UBE3D: variants seen among roughly 807,000 people sequenced by gnomAD.
UBE3D encodes the protein ubiquitin protein ligase E3D, also known as E3 ubiquitin-protein ligase E3D.
In UBE3D, 48 loss-of-function variants were observed where a neutral mutation model predicts 49.6. That is an observed-to-expected ratio of 0.97 (90% confidence interval 0.77 to 1.23). UBE3D has a LOEUF of 1.23. Ranked by LOEUF, UBE3D falls within the 50% of genes most tolerant of loss-of-function variation. The pLI is 0.00. For synonymous variants in UBE3D, 189 were observed against 174.2 expected (o/e 1.08, Z -0.67); for missense variants, 452 against 468.4 (o/e 0.96, Z 0.32).
At chr6:82,955,039 G>A (rs1016067423) in intron 9 of UBE3D, among the ~76,000 whole-genome samples, 5 of 152,110 alleles carry the variant, frequency 3.3e-5, no homozygotes, top group Admixed American at 3.3e-4. Flanking sequence ...AATAGAAAAG[G>A]GCATTGAGTA....
chr6:82,993,371 T>A (rs1018442495), intron 8 of UBE3D, among the ~76,000 whole-genome samples: 2 of 152,168 alleles, frequency 1.3e-5, no homozygotes, highest in African/African-American at 4.8e-5. Context: ...TTTCCCTCTG[T>A]GAATATACAG....
chr6:83,025,606 G>T (rs888004523), intron 5 of UBE3D, among the ~76,000 whole-genome samples: 1 of 152,086 alleles, frequency 6.6e-6, no homozygotes, highest in Non-Finnish European at 1.5e-5. Context: ...TGTAGGGCTG[G>T]GTGCAGTGAC....
At chr6:83,038,541 T>C (rs1782432766) in intron 4 of UBE3D, 56 bp from the exon 5 acceptor site, 8 of 1,469,934 alleles carry the variant, frequency 5.4e-6, no homozygotes, top group Non-Finnish European at 7.5e-6. Context: ...AAAAGGAATA[T>C]ATAATTTTAA....
At chr6:82,943,901 C>T (rs12153979) in intron 9 of UBE3D, among the ~76,000 whole-genome samples, 24,377 of 152,000 alleles carry the variant, frequency 0.16, 1,998 homozygotes, top group South Asian at 0.17. Flanking sequence ...GGAACTCAGC[C>T]GATGCCCACA....
chr6:83,057,784 C>T (rs1360304053), intron 2 of UBE3D, 42 bp downstream of exon 2: 4 of 1,594,476 alleles, frequency 2.5e-6, no homozygotes, highest in Middle Eastern at 1.7e-4. Flanking sequence ...TGGTTTATAA[C>T]AAAAAGGTAA....
At chr6:82,908,315 A>G (rs1772250821) in intron 9 of UBE3D, among the ~76,000 whole-genome samples, 1 of 152,120 alleles carries the variant, frequency 6.6e-6, no homozygotes, top group African/African-American at 2.4e-5. Context: ...CAATGCGTGG[A>G]GACATTTTTG....
At chr6:82,974,686 T>C (rs770503739) in intron 8 of UBE3D, among the ~76,000 whole-genome samples, 18 of 151,922 alleles carry the variant, frequency 1.2e-4, no homozygotes, top group South Asian at 2.1e-4. Context: ...TAAATATAGC[T>C]ACTCAAGAAA....
the UBE3D span, among the ~76,000 whole-genome samples, chr6:82,881,731 G>A: frequency 3.3e-5 from 5 of 152,260 alleles, no homozygotes; most frequent in East Asian, 9.7e-4. Context: ...GTGATTAACA[G>A]TTCATGCGGA....
At chr6:82,917,391 A>C (rs1772997569) in intron 9 of UBE3D, among the ~76,000 whole-genome samples, 1 of 152,162 alleles carries the variant, frequency 6.6e-6, no homozygotes, top group Non-Finnish European at 1.5e-5. Flanking sequence ...GAGAGGAGGC[A>C]AAATACGTAT....
intron 8 of UBE3D, among the ~76,000 whole-genome samples, chr6:82,998,692 T>C (rs1238620698): frequency 1.3e-5 from 2 of 152,198 alleles, no homozygotes; most frequent in Non-Finnish European, 2.9e-5. Flanking sequence ...AGCTTTCTCT[T>C]CTACCAGATC....
At chr6:83,022,278 T>G (rs13215142) in intron 7 of UBE3D, among the ~76,000 whole-genome samples, 175 bp downstream of exon 7, 1 of 152,118 alleles carries the variant, frequency 6.6e-6, no homozygotes, top group Admixed American at 6.5e-5. Flanking sequence ...CCACCCACCT[T>G]GGCCTCCCAA....
intron 9 of UBE3D, among the ~76,000 whole-genome samples, chr6:82,910,680 C>A (rs1010222107): frequency 6.6e-6 from 1 of 151,532 alleles, no homozygotes; most frequent in African/African-American, 2.4e-5. Flanking sequence ...ATTTTTTTTT[C>A]TTTCTTTCAC....
chr6:83,019,187 ATATCT>A, intron 7 of UBE3D, 51 bp from the exon 8 acceptor site: 2 of 1,519,566 alleles, frequency 1.3e-6, no homozygotes, highest in Non-Finnish European at 1.8e-6. Context: ...CACCTTATCC[ATATCT>A]TATGACTTTT....
At chr6:82,915,825 G>T (rs1772876740) in intron 9 of UBE3D, among the ~76,000 whole-genome samples, 1 of 152,164 alleles carries the variant, frequency 6.6e-6, no homozygotes. Context: ...TGTTAGTCAT[G>T]CTATGTGACA....
chr6:82,953,518 T>C (rs1775946169), intron 9 of UBE3D, among the ~76,000 whole-genome samples: 1 of 152,154 alleles, frequency 6.6e-6, no homozygotes, highest in South Asian at 2.1e-4. Context: ...CTGCCCTGAG[T>C]GTATACTGTA....
chr6:83,025,601 G>A (rs1458882953), intron 5 of UBE3D, among the ~76,000 whole-genome samples: 1 of 152,008 alleles, frequency 6.6e-6, no homozygotes, highest in East Asian at 1.9e-4. Flanking sequence ...GTATATGTAG[G>A]GCTGGGTGCA....
At chr6:82,920,923 T>C (rs545736900) in intron 9 of UBE3D, among the ~76,000 whole-genome samples, 17 of 148,122 alleles carry the variant, frequency 1.1e-4, no homozygotes, top group Admixed American at 4.8e-4. Flanking sequence ...CCTCTCAGTA[T>C]AGAAAACTAA....
intron 4 of UBE3D, among the ~76,000 whole-genome samples, chr6:83,040,365 C>G (rs1782579587): frequency 6.9e-6 from 1 of 145,410 alleles, no homozygotes; most frequent in South Asian, 2.3e-4. Context: ...GCCTGGGCAA[C>G]AGAGCGAGAC....
intron 8 of UBE3D, among the ~76,000 whole-genome samples, chr6:82,964,683 G>C (rs1037210450): frequency 1.3e-5 from 2 of 152,118 alleles, no homozygotes; most frequent in Admixed American, 1.3e-4. Flanking sequence ...CAACAACTTA[G>C]TGATAGAATT....
Sources: allele counts gnomAD v4.1 joint callset (sites outside exome capture counted in the v4.1 genomes callset), GRCh38; gene constraint gnomAD v4.1.1; transcripts MANE v1.5; gene names NCBI Gene and HGNC (gene_info 2026-07-23, HGNC 2026-07-21).